Variants in STARD9 observed in about 807,000 individuals in gnomAD.
The protein encoded by STARD9 is stAR-related lipid transfer protein 9.
A neutral mutation model predicts 399.8 loss-of-function variants in STARD9; 346 were observed. The observed-to-expected ratio is 0.87, with a 90% CI of 0.79 to 0.95. STARD9 has a LOEUF of 0.95. STARD9 is among the 40% of genes least tolerant of loss of function. STARD9 has a pLI of 0.00. For missense variants in STARD9, 5,832 were observed against 5,667.5 expected (o/e 1.03, Z -0.93); for synonymous variants, 2,203 against 2,143.5 (o/e 1.03, Z -0.77).
At chr15:42,624,212 T>C (rs2059150784) in intron 3 of STARD9, among the ~76,000 whole-genome samples, 1 of 152,158 alleles carries the variant, frequency 6.6e-6, no homozygotes, top group Admixed American at 6.5e-5. Context: ...GCCTTGTGAG[T>C]GGAGCTATAG....
intron 19 of STARD9, 38 bp downstream of exon 19, chr15:42,675,784 C>T (rs2060297986): frequency 6.5e-7 from 1 of 1,534,110 alleles, no homozygotes; most frequent in African/African-American, 1.4e-5. Context: ...TTGCTGGCCT[C>T]CCTGTTTCCA....
chr15:42,656,370 T>C (rs558891406), intron 9 of STARD9, among the ~76,000 whole-genome samples: 2 of 94,196 alleles, frequency 2.1e-5, no homozygotes, highest in East Asian at 5.8e-4. Context: ...AAAAAAAAGA[T>C]GTTGCCGTGG....
intron 9 of STARD9, among the ~76,000 whole-genome samples, chr15:42,658,367 G>A (rs1212371005): frequency 6.6e-6 from 1 of 151,256 alleles, no homozygotes; most frequent in East Asian, 1.9e-4. Flanking sequence ...GTAGAGACAA[G>A]GTCTCGTTAT....
At chr15:42,695,947 G>C in intron 26 of STARD9, 67 bp downstream of exon 26, 1 of 1,475,962 alleles carries the variant, frequency 6.8e-7, no homozygotes, top group Non-Finnish European at 9.0e-7. Context: ...TGAGCAGGAC[G>C]CTGTGCCTCC....
chr15:42,714,441 C>T (rs1280902335), intron 26 of STARD9, among the ~76,000 whole-genome samples: 1 of 152,106 alleles, frequency 6.6e-6, no homozygotes, highest in East Asian at 1.9e-4. Flanking sequence ...AATTTGTTGG[C>T]ATATAGTTCA....
rs779372537 is a variant in STARD9, at chr15:42,689,120, C to T, written c.7542C>T (p.Asp2514=). 2.7e-5 allele frequency: 41 copies of T among 1,537,318 alleles called. No homozygotes were observed. The Middle Eastern group carries it at 8.3e-4, about 31-fold the overall frequency. The change falls in exon 23 of 33, where the codon GAC becomes GAT. Residue 2514 remains aspartate, a synonymous_variant. Transcript: ENST00000290607. Reference sequence around the variant, plus strand: ...AGAAGGCAGAGAAGGAGACTGAGGACGTCGGACTGACCAGCGGTGTTTCCT... The same window carrying T: ...AGAAGGCAGAGAAGGAGACTGAGGATGTCGGACTGACCAGCGGTGTTTCCT... ...PRQKAEKETE[D]VGLTSGVSLA...
intron 26 of STARD9, among the ~76,000 whole-genome samples, chr15:42,711,090 G>A (rs750737490): frequency 1.3e-5 from 2 of 150,078 alleles, no homozygotes; most frequent in Non-Finnish European, 1.5e-5. Context: ...TGATCCTCCC[G>A]CCTCAGCCTC....
In STARD9 at chr15:42,684,160, C is replaced by T; in HGVS notation, c.2582C>T (p.Pro861Leu). The change falls in exon 23 of 33, where the codon CCT becomes CTT. Residue 861 changes from proline to leucine, a missense_variant. Physicochemically the swap from Pro to Leu is moderately conservative, Grantham distance 98. Coordinates refer to ENST00000290607, the MANE Select transcript of STARD9 (RefSeq NM_020759.3). ...CCCTCTACCACATTGCCACCTAGGC[C>T]TGACCCTACACACCAAACATCAGAG... is the stretch of plus-strand genomic sequence containing the variant. ...WDPSTTLPPR[P>L]DPTHQTSEKT... 1 of 1,537,032 alleles carries T rather than the reference C, an allele frequency of 6.5e-7. No homozygotes were observed. Among genetic ancestry groups the T allele is most frequent in the Non-Finnish European group, 8.7e-7 (1 of 1,146,732 alleles).
In STARD9 at chr15:42,680,757, T is replaced by C. The variant is rs2412739; in HGVS notation, c.1875-665T>C. Among the ~76,000 whole-genome samples, 496 of 152,314 alleles carry C rather than the reference T, an allele frequency of 3.3e-3. 11 individuals are homozygous for C. The East Asian group carries it at 0.053, about 16-fold the overall frequency. On this transcript the variant is annotated intron_variant, in intron 20 of 32. Coordinates refer to ENST00000290607, the MANE Select transcript of STARD9 (RefSeq NM_020759.3). ...TGGATCTAGACAAATTCTTGACATA[T>C]TTCACCAGTAAATGCTTCAGTATAT...
intron 26 of STARD9, among the ~76,000 whole-genome samples, chr15:42,699,549 A>T (rs751245527): frequency 6.6e-6 from 1 of 151,006 alleles, no homozygotes; most frequent in African/African-American, 2.4e-5. Flanking sequence ...GCCCGCCACC[A>T]CGCCCAGCTA....
In STARD9 at chr15:42,668,193, C is replaced by T. The variant is rs534634689; in HGVS notation, c.1318-965C>T. ...GTAAGCCAGAGTGTCCTGCCACTCA[C>T]CAATGCCAGGGGTCCCTATCCAACC... On this transcript the variant is annotated intron_variant, in intron 15 of 32. Coordinates refer to ENST00000290607, the MANE Select transcript of STARD9 (RefSeq NM_020759.3). 4.6e-5 allele frequency among the ~76,000 whole-genome samples: 7 copies of T among 151,084 alleles called. No homozygotes were observed. In the South Asian group the frequency reaches 1.5e-3, roughly 31 times the overall value.
intron 3 of STARD9, among the ~76,000 whole-genome samples, chr15:42,615,176 T>A (rs1052038637): frequency 1.3e-5 from 2 of 151,790 alleles, no homozygotes; most frequent in South Asian, 2.1e-4. Flanking sequence ...GCTGGCTAAT[T>A]TTTTTGTATT....
At chr15:42,630,398 T>G (rs1476684042) in intron 3 of STARD9, among the ~76,000 whole-genome samples, 1 of 152,174 alleles carries the variant, frequency 6.6e-6, no homozygotes, top group African/African-American at 2.4e-5. Flanking sequence ...GCCTGTAATT[T>G]TCTTTTTTTG....
At chr15:42,677,259 G>A (rs1383910271) in intron 20 of STARD9, among the ~76,000 whole-genome samples, 2 of 152,106 alleles carry the variant, frequency 1.3e-5, no homozygotes, top group Admixed American at 6.5e-5. Context: ...GCGAGACTCC[G>A]TCTCAAAAAA....
intron 26 of STARD9, among the ~76,000 whole-genome samples, chr15:42,701,340 G>A (rs1173828020): frequency 6.6e-6 from 1 of 152,078 alleles, no homozygotes; most frequent in Non-Finnish European, 1.5e-5. Flanking sequence ...TGGGTGATAT[G>A]GACATTTTAA....
At chr15:42,629,755 G>C (rs1357175993) in intron 3 of STARD9, 1 of 151,924 alleles carries the variant, frequency 6.6e-6, no homozygotes, top group East Asian at 1.9e-4. Context: ...ATCCCTTCTT[G>C]TATATGGCTT....
In STARD9 at chr15:42,688,209, C is replaced by T; in HGVS notation, c.6631C>T (p.Pro2211Ser). The change falls in exon 23 of 33, where the codon CCA (proline) becomes TCA (serine). Residue 2211 changes from proline to serine, a missense_variant. Around this residue, in one of 2 missense-constraint regions of STARD9, gnomAD observed 5,828 missense variants for 5,651.1 expected, o/e 1.03. Coordinates refer to ENST00000290607, the MANE Select transcript of STARD9 (RefSeq NM_020759.3). ...QRMKALARAL[P>S]LQPRLERSSK... ...AATGAAAGCATTGGCTAGAGCTCTG[C>T]CATTGCAACCCAGGCTAGAGAGGTC... 1.3e-6 allele frequency: 2 copies of T among 1,537,432 alleles called. 1 individual carries two copies.
chr15:42,701,304 G>A (rs2060959512), intron 26 of STARD9, among the ~76,000 whole-genome samples: 1 of 152,108 alleles, frequency 6.6e-6, no homozygotes, highest in African/African-American at 2.4e-5. Flanking sequence ...TTTTGATAGA[G>A]CTTGCATTGA....
At position 42,717,974 on chromosome 15, in the gene STARD9, C is replaced by T. The variant is rs1267554801; in HGVS notation, c.13560-3C>T. ...ATTTTCTGTGCTTGGTGTCTCCCCC[C>T]AGCTATCAGGGTGAGGAGCAGGCGG... On this transcript the variant is annotated splice_polypyrimidine_tract_variant and splice_region_variant and intron_variant, in intron 29 of 32. Coordinates refer to ENST00000290607, the MANE Select transcript of STARD9 (RefSeq NM_020759.3). 2 of 1,537,028 alleles carry T rather than the reference C, an allele frequency of 1.3e-6. No individual in the cohort carries two copies. Among genetic ancestry groups the T allele is most frequent in the Non-Finnish European group, 1.7e-6 (2 of 1,146,844 alleles).
Sources: allele counts gnomAD v4.1 joint callset (sites outside exome capture counted in the v4.1 genomes callset), GRCh38; gene constraint gnomAD v4.1.1; regional missense constraint gnomAD v4.1.1; transcripts MANE v1.5; gene names NCBI Gene and HGNC (gene_info 2026-07-23, HGNC 2026-07-21).